Variants in ATM observed in about 807,000 individuals in gnomAD.
ATM encodes the protein ATM serine/threonine kinase.
In ATM, 308 loss-of-function variants were observed where a neutral mutation model predicts 387.0. That is an observed-to-expected ratio of 0.80 (90% CI 0.73 to 0.87). The LOEUF (loss-of-function observed/expected upper bound fraction) is 0.87, where lower values mean the gene tolerates loss of function less well. ATM is among the 40% of genes least tolerant of loss of function. The probability of loss-of-function intolerance (pLI) is 0.00; values close to 1 mark genes in which losing one functional copy is unlikely to be tolerated. For synonymous variants in ATM, 1,156 were observed against 1,187.3 expected (o/e 0.97, Z 0.54); for missense variants, 3,312 against 3,560.9 (o/e 0.93, Z 1.78).
chr11:108,240,292 A>G (rs1028937252), intron 5 of ATM, among the ~76,000 whole-genome samples: 5 of 152,216 alleles, frequency 3.3e-5, no homozygotes, highest in African/African-American at 1.2e-4. Flanking sequence ...CACTGTCAGA[A>G]AAATCCTCTG....
intron 40 of ATM, among the ~76,000 whole-genome samples, chr11:108,313,153 T>C (rs1341807942): frequency 6.6e-6 from 1 of 152,214 alleles, no homozygotes; most frequent in African/African-American, 2.4e-5. Flanking sequence ...AAACAGTTTA[T>C]CCTTCTATTT....
intron 1 of ATM, chr11:108,224,050 A>G (rs2078620153): frequency 6.6e-6 from 1 of 152,276 alleles, no homozygotes; most frequent in Non-Finnish European, 1.5e-5. Flanking sequence ...AAACAGTCAT[A>G]ACGGAAGTTA....
At chr11:108,260,030 CTTTTTTTTTTTT>C (rs754362678) in intron 16 of ATM, among the ~76,000 whole-genome samples, 1 of 94,614 alleles carries the variant, frequency 1.1e-5, no homozygotes, top group African/African-American at 3.9e-5. Context: ...CTTATCTGCT[CTTTTTTTTTTTT>C]TTTTTTTTTT....
At chr11:108,337,879 G>A (rs2087027679) in intron 56 of ATM, among the ~76,000 whole-genome samples, 1 of 152,254 alleles carries the variant, frequency 6.6e-6, no homozygotes, top group Non-Finnish European at 1.5e-5. Flanking sequence ...AAGTAGCTAA[G>A]ATTTCCAAGC....
At chr11:108,289,874 GTT>G in intron 29 of ATM, 73 bp downstream of exon 29, 2 of 1,469,578 alleles carry the variant, frequency 1.4e-6, no homozygotes, top group Non-Finnish European at 1.9e-6. Context: ...GCTTTGTTTT[GTT>G]TTGTTTTGAG....
intron 43 of ATM, among the ~76,000 whole-genome samples, chr11:108,318,852 T>G (rs766294023): frequency 6.2e-4 from 94 of 152,208 alleles, no homozygotes; most frequent in Non-Finnish European, 7.2e-4. Context: ...ATTAATTATG[T>G]TTAAGTATGT....
intron 33 of ATM, among the ~76,000 whole-genome samples, chr11:108,298,002 A>G (rs1012011039): frequency 4.6e-5 from 7 of 152,216 alleles, no homozygotes; most frequent in Admixed American, 4.6e-4. Flanking sequence ...ACTGACAGGT[A>G]CTCAGTGTCT....
Position 108,272,532 on chromosome 11 carries a change from G to A in ATM, c.3078G>A (p.Trp1026Ter), listed in dbSNP as rs876660869. Residue 1026 changes from tryptophan (W) to a stop codon, truncating the protein, a stop_gained and splice_region_variant, in exon 21 of 63, where the codon TGG becomes TGA. Transcript: ENST00000675843. LOFTEE classifies it high-confidence loss of function. Reference protein sequence around the residue: ...GQFLTVIGAFWHLTKERKYIF... With the variant: ...GQFLTVIGAF ...CTTTGGAAAACTTACTTGATTTCAG[G>A]CATCTAACAAAGGAGAGGAAATATA... The A allele has an allele frequency of 6.2e-7, 1 of 1,608,986 alleles. No individual in the cohort carries two copies. Among genetic ancestry groups the A allele is most frequent in the Non-Finnish European group, 8.5e-7 (1 of 1,175,548 alleles).
chr11:108,276,759 G>T (rs752726923), intron 22 of ATM, among the ~76,000 whole-genome samples: 1 of 152,110 alleles, frequency 6.6e-6, no homozygotes, highest in Non-Finnish European at 1.5e-5. Flanking sequence ...AGCGGCACCC[G>T]CCAGATGGCA....
rs932163917 is a variant in ATM at position 108,362,716 on chromosome 11, G to A, written c.8851-2366G>A. Among the ~76,000 whole-genome samples, 23 of 142,358 alleles carry A rather than the reference G, an allele frequency of 1.6e-4. No individual in the cohort carries two copies. The South Asian group carries it at 3.9e-3, about 24-fold the overall frequency. 93.4% of individuals were successfully genotyped at this position (142,358 alleles called of 152,430 possible). A position where few individuals can be genotyped will look rare whatever the true frequency, so the allele number is the denominator to read the frequency against. The stretch of plus-strand genomic sequence containing the variant: ...TCGCAAGAACAAAAAACCAAACACC[G>A]CATATTCTCACTCATAGGTGGGAAT... On this transcript the variant is annotated intron_variant, in intron 61 of 62. Transcript: ENST00000675843.
intron 5 of ATM, among the ~76,000 whole-genome samples, chr11:108,237,899 G>GTTTTTT (rs369161623): frequency 1.1e-5 from 1 of 92,034 alleles, no homozygotes; most frequent in Non-Finnish European, 2.0e-5. Flanking sequence ...ATTTACTTAG[G>GTTTTTT]TTTTTTTTTT....
At position 108,256,268 on chromosome 11, in the gene ATM, T is replaced by C. The variant is rs1591542185; in HGVS notation, c.2178T>C (p.Leu726=). 6.2e-7 allele frequency: 1 copy of C among 1,611,090 alleles called. No individual in the cohort carries two copies. Reference sequence around the variant, plus strand: ...GTTCACGTCTTTTGGTGGGTGTCCTTGGCTGCTACTGTTACATGGGTGTAA... The same window carrying C: ...GTTCACGTCTTTTGGTGGGTGTCCTCGGCTGCTACTGTTACATGGGTGTAA... The part of the protein sequence containing the change: ...VRCSRLLVGV[L]GCYCYMGVIA... Residue 726 remains leucine (L), a synonymous_variant, in exon 14 of 63, where the codon CTT becomes CTC. Transcript: ENST00000675843.
chr11:108,289,656 A>C lies in ATM; in HGVS notation c.4291A>C (p.Asn1431His), dbSNP rs748144169. 3 of 1,612,188 alleles carry C rather than the reference A, an allele frequency of 1.9e-6. No homozygotes were observed. Among genetic ancestry groups the C allele is most frequent in the Non-Finnish European group, 2.5e-6 (3 of 1,179,480 alleles). Residue 1431 changes from asparagine (N) to histidine (H), a missense_variant, in exon 29 of 63, where the codon AAT (asparagine) becomes CAT (histidine). This residue lies in a region of ATM where 1,791 missense variants were observed against 1,804.5 expected (regional missense o/e 0.99). Transcript: ENST00000675843. ...AICEQAAETN[N>H]VYKKHRILKI... ...ATGTGAGCAAGCAGCTGAAACAAATAATGTTTATAAGAAGCACAGAATTCT... is the reference window on the plus strand; with the variant it reads ...ATGTGAGCAAGCAGCTGAAACAAATCATGTTTATAAGAAGCACAGAATTCT...
In ATM at chr11:108,268,449, A is replaced by G. The variant is rs876659776; in HGVS notation, c.2678A>G (p.Gln893Arg). 1.9e-6 allele frequency: 3 copies of G among 1,614,036 alleles called. No individual in the cohort carries two copies. Among genetic ancestry groups the G allele is most frequent in the Admixed American group, 1.7e-5 (1 of 60,016 alleles). ...TTAGCTGAAGAATATCTGTCAAAGC[A>G]AGATCTACTTTTCTTAGACATGCTC... is the stretch of plus-strand genomic sequence containing the variant. The part of the protein sequence containing the change: ...NPLAEEYLSK[Q>R]DLLFLDMLKF... Residue 893 changes from glutamine (Q) to arginine (R), a missense_variant, in exon 18 of 63, where the codon CAA becomes CGA. Transcript: ENST00000675843.
rs369957715 is a variant in ATM, at chr11:108,249,022, A to G, written c.1155A>G (p.Lys385=). The part of the protein sequence containing the change: ...RESSDYSVPC[K]RKKIELGWEV... ...CTAGTGATTACAGTGTCCCTTGCAA[A>G]AGGAAGAAAATAGAACTAGGCTGGG... The change falls in exon 9 of 63, where the codon AAA becomes AAG. Residue 385 remains lysine (K), a synonymous_variant. Coordinates refer to ENST00000675843, the MANE Select transcript of ATM (RefSeq NM_000051.4). The G allele has an allele frequency of 6.2e-7, 1 of 1,614,044 alleles. No individual in the cohort carries two copies. The highest frequency in any genetic ancestry group is 2.2e-5 in the East Asian group (1 of 44,858).
chr11:108,357,137 C>T (rs977917464), intron 61 of ATM, among the ~76,000 whole-genome samples: 3 of 152,210 alleles, frequency 2.0e-5, no homozygotes, highest in East Asian at 3.8e-4. Context: ...ACTTGGGAAG[C>T]GCAAGGGTCA....
rs2136455624 is a variant in ATM at position 108,330,272 on chromosome 11, A to T, written c.7366A>T (p.Lys2456Ter). The T allele has an allele frequency of 6.2e-7, 1 of 1,614,214 alleles. No homozygotes were observed. The highest frequency in any genetic ancestry group is 1.1e-5 in the South Asian group (1 of 91,088). Residue 2456 changes from lysine to a stop codon, truncating the protein, a stop_gained, in exon 50 of 63, where the codon AAA becomes TAA. Transcript: ENST00000675843. LOFTEE classifies it high-confidence loss of function. ...GGATGAATTAGCCCTGCGTGCACTG[A>T]AAGAGGATCGTAAACGCTTCTTATG... The part of the protein sequence containing the change: ...ELDELALRAL[K>*]EDRKRFLCKA...
At chr11:108,284,553 G>T (rs557974976) in intron 26 of ATM, 80 bp downstream of exon 26, 1 of 1,551,390 alleles carries the variant, frequency 6.4e-7, no homozygotes, top group Non-Finnish European at 8.9e-7. Context: ...CTATTTATTC[G>T]ATTTATTCGT....
rs1591645509 is a variant in ATM, at chr11:108,284,264, A to T, written c.3784A>T (p.Arg1262Ter). The part of the protein sequence containing the change: ...YKVLIPHLVI[R>*]SHFDEVKSIA... ...GGTTTTGATTCCACATCTGGTGATT[A>T]GAAGTCATTTTGATGAGGTGAAGTC... Residue 1262 changes from arginine to a stop codon, truncating the protein, a stop_gained, in exon 26 of 63, where the codon AGA (arginine) becomes TGA (stop). Coordinates refer to ENST00000675843, the MANE Select transcript of ATM (RefSeq NM_000051.4). LOFTEE classifies it high-confidence loss of function. The T allele has an allele frequency of 1.9e-6, 3 of 1,612,710 alleles. No individual in the cohort carries two copies. The highest frequency in any genetic ancestry group is 2.5e-6 in the Non-Finnish European group (3 of 1,178,812).
Sources: allele counts gnomAD v4.1 joint callset (sites outside exome capture counted in the v4.1 genomes callset), GRCh38; gene constraint gnomAD v4.1.1; regional missense constraint gnomAD v4.1.1; transcripts MANE v1.5; gene names NCBI Gene and HGNC (gene_info 2026-07-23, HGNC 2026-07-21).